Variants in DDX19B observed in about 807,000 individuals in gnomAD.
DDX19B encodes the protein ATP-dependent RNA helicase DDX19B.
In DDX19B, 27 loss-of-function variants were observed where a neutral mutation model predicts 58.1. That is an observed-to-expected ratio of 0.46 (90% CI 0.34 to 0.64). DDX19B has a LOEUF of 0.64. Among genes scored for constraint, DDX19B ranks in the 30% least tolerant of loss-of-function variants. DDX19B has a pLI of 0.01. For synonymous variants in DDX19B, 187 were observed against 214.4 expected (o/e 0.87, Z 1.12); for missense variants, 399 against 596.5 (o/e 0.67, Z 3.45).
In DDX19B at chr16:70,317,491, T is replaced by C. The variant is rs1962496004; in HGVS notation, c.297-5T>C. On this transcript the variant is annotated splice_polypyrimidine_tract_variant and splice_region_variant and intron_variant, in intron 4 of 11. Transcript: ENST00000288071. Reference sequence around the variant, plus strand: ...TGTGACTTTCATCTTTAACTGTTTTTCTAGGAAACCACAGCTTCTCCAAGG... The same window carrying C: ...TGTGACTTTCATCTTTAACTGTTTTCCTAGGAAACCACAGCTTCTCCAAGG... The C allele has an allele frequency of 6.2e-7, 1 of 1,609,062 alleles. No individual in the cohort carries two copies. The highest frequency in any genetic ancestry group is 2.2e-5 in the East Asian group (1 of 44,830).
chr16:70,329,320 G>A lies in DDX19B; in HGVS notation c.636G>A (p.Gln212=), dbSNP rs1963352582. ...KLERGQKISE[Q]IVIGTPGTVL... ...AAAGAGGCCAGAAGATCAGTGAGCA[G>A]ATTGTCATTGGCACCCCTGGGACTG... The change falls in exon 8 of 12, where the codon CAG becomes CAA. Residue 212 remains glutamine (Q), a synonymous_variant. Transcript: ENST00000288071. 6.2e-7 allele frequency: 1 copy of A among 1,613,818 alleles called. No homozygotes were observed. The highest frequency in any genetic ancestry group is 8.5e-7 in the Non-Finnish European group (1 of 1,179,946).
Position 70,316,039 on chromosome 16 carries a change from G to A in DDX19B, c.231G>A (p.Val77=). The part of the protein sequence containing the change: ...RSNLVDNTNQ[V]EVLQRDPNSP... ...ACCTTGTTGATAACACAAACCAAGT[G>A]GAAGTCCTGCAGCGGGATCCAAACT... is the stretch of plus-strand genomic sequence containing the variant. The change falls in exon 4 of 12, where the codon GTG becomes GTA. Residue 77 remains valine (V), a synonymous_variant. Transcript: ENST00000288071. 6.2e-7 allele frequency: 1 copy of A among 1,614,034 alleles called. No homozygotes were observed. Among genetic ancestry groups the A allele is most frequent in the South Asian group, 1.1e-5 (1 of 91,084 alleles).
chr16:70,314,408 A>G (rs1962256023), intron 2 of DDX19B, among the ~76,000 whole-genome samples: 1 of 152,174 alleles, frequency 6.6e-6, no homozygotes. Context: ...CACGCCTGTA[A>G]TCCCAGCACT....
rs1309156809 is a variant in DDX19B, at chr16:70,334,061, G to T, written c.*479G>T. The T allele has an allele frequency of 2.2e-5, 4 of 185,040 alleles. No homozygotes were observed. Among genetic ancestry groups the T allele is most frequent in the African/African-American group, 4.8e-5 (2 of 41,990 alleles). The allele number at this position is 185,040 out of a possible 1,614,324, so 11.5% of individuals were successfully genotyped here. ...AGCCATCATGTTTGGAATGGCATGA[G>T]GCAGCAGAGGAGGCCTGAGAGCTGC... On this transcript the variant is annotated 3_prime_UTR_variant, in exon 12 of 12. Transcript: ENST00000288071.
chr16:70,297,121 G>T (rs553638722), upstream of DDX19B, among the ~76,000 whole-genome samples: 48 of 152,168 alleles, frequency 3.2e-4, no homozygotes, highest in Non-Finnish European at 6.5e-4. Flanking sequence ...TCACCATGTT[G>T]GTCAGGATGG....
upstream of DDX19B, chr16:70,290,103 T>C (rs1343565365): frequency 1.7e-5 from 4 of 236,978 alleles, no homozygotes. Flanking sequence ...TATATATATA[T>C]ACATATACAT....
At chr16:70,306,151 T>G (rs1018219977) in intron 1 of DDX19B, among the ~76,000 whole-genome samples, 6 of 151,548 alleles carry the variant, frequency 4.0e-5, no homozygotes, top group Admixed American at 1.3e-4. Context: ...TGTTGTTGTT[T>G]GTTGTTGTTG....
intron 2 of DDX19B, 46 bp from the exon 3 acceptor site, chr16:70,314,856 G>C (rs1173132692): frequency 6.3e-7 from 1 of 1,597,524 alleles, no homozygotes; most frequent in Non-Finnish European, 8.6e-7. Context: ...TCAACTGTTG[G>C]GTATGGGATG....
At chr16:70,294,272 G>A (rs535406883), upstream of DDX19B, among the ~76,000 whole-genome samples, 274 of 151,782 alleles carry the variant, frequency 1.8e-3, 1 homozygote, top group African/African-American at 6.1e-3. Context: ...TAGTAGAGAC[G>A]GGGTTTCACA....
intron 7 of DDX19B, among the ~76,000 whole-genome samples, chr16:70,327,497 C>T (rs904228887): frequency 6.6e-6 from 1 of 151,746 alleles, no homozygotes; most frequent in Non-Finnish European, 1.5e-5. Context: ...CGTGCCACTG[C>T]ACTCCAGCCT....
chr16:70,328,731 G>C (rs1237267482), intron 7 of DDX19B, among the ~76,000 whole-genome samples: 2 of 151,942 alleles, frequency 1.3e-5, no homozygotes, highest in Non-Finnish European at 2.9e-5. Flanking sequence ...TCAAATGCTA[G>C]ATCTTACTTA....
chr16:70,328,933 G>A (rs2152212944), intron 7 of DDX19B, among the ~76,000 whole-genome samples: 1 of 151,540 alleles, frequency 6.6e-6, no homozygotes, highest in Middle Eastern at 3.4e-3. Context: ...AATACCCATG[G>A]AGGCCGGGCA....
chr16:70,330,238 T>G (rs113742194), intron 9 of DDX19B, among the ~76,000 whole-genome samples, 170 bp downstream of exon 9: 2 of 152,206 alleles, frequency 1.3e-5, no homozygotes, highest in African/African-American at 4.8e-5. Context: ...TCTTAGTGAT[T>G]ACTTGGAGAA....
intron 7 of DDX19B, among the ~76,000 whole-genome samples, chr16:70,326,738 G>A (rs1419320331): frequency 6.6e-6 from 1 of 152,000 alleles, no homozygotes; most frequent in East Asian, 1.9e-4. Flanking sequence ...GTTTCACCAC[G>A]TTGGCCAGGC....
At chr16:70,326,442 A>G (rs2152210512) in intron 7 of DDX19B, among the ~76,000 whole-genome samples, 1 of 152,352 alleles carries the variant, frequency 6.6e-6, no homozygotes, top group African/African-American at 2.4e-5. Context: ...GCGCCACTGC[A>G]CTCGAGCCTG....
At chr16:70,293,038 C>T (rs140369621), upstream of DDX19B, among the ~76,000 whole-genome samples, 115 of 152,120 alleles carry the variant, frequency 7.6e-4, no homozygotes, top group African/African-American at 2.7e-3. Context: ...CAAGATTGTG[C>T]CACTGCACTC....
chr16:70,292,108 C>G (rs117304907), upstream of DDX19B, among the ~76,000 whole-genome samples: 1 of 151,234 alleles, frequency 6.6e-6, no homozygotes, highest in Non-Finnish European at 1.5e-5. Context: ...GCTGAGATCT[C>G]GCGACTGCAC....
In DDX19B at chr16:70,334,490, T is replaced by C. The variant is rs1430428800; in HGVS notation, c.*908T>C. 3 of 152,228 alleles carry C rather than the reference T, an allele frequency of 2.0e-5. No individual in the cohort carries two copies. Among genetic ancestry groups the C allele is most frequent in the Admixed American group, 1.3e-4 (2 of 15,262 alleles). 9.4% of individuals were successfully genotyped at this position (152,228 alleles called of 1,614,324 possible). A position where few individuals can be genotyped will look rare whatever the true frequency, so the allele number is the denominator to read the frequency against. On this transcript the variant is annotated 3_prime_UTR_variant, in exon 12 of 12. Coordinates refer to ENST00000288071, the MANE Select transcript of DDX19B (RefSeq NM_007242.7). Reference sequence around the variant, plus strand: ...TGAAAATTGTGGTTTCAAGTCTTCATGGCCAGCCTCAAGGCAGTTCTAGAT... The same window carrying C: ...TGAAAATTGTGGTTTCAAGTCTTCACGGCCAGCCTCAAGGCAGTTCTAGAT...
intron 6 of DDX19B, 28 bp from the exon 7 acceptor site, chr16:70,325,545 AT>A: frequency 3.3e-6 from 5 of 1,520,656 alleles, no homozygotes; most frequent in Non-Finnish European, 4.6e-6. Flanking sequence ...ATTGTCTTGA[AT>A]TTGCACTCTG....
Sources: gnomAD v4.1 joint callset for allele counts (sites outside exome capture counted in the v4.1 genomes callset) on GRCh38, gnomAD v4.1.1 for gene constraint, MANE v1.5 for transcripts, NCBI Gene and HGNC (gene_info 2026-07-23, HGNC 2026-07-21) for gene names.